The following HECW1 variants were observed in gnomAD, a reference collection of about 807,000 sequenced individuals.
The protein encoded by HECW1 is E3 ubiquitin-protein ligase HECW1.
HECW1 carries 61 observed loss-of-function variants against 182.3 expected under a neutral mutation model. The observed-to-expected ratio is 0.33, with a 90% CI of 0.27 to 0.41. The LOEUF (loss-of-function observed/expected upper bound fraction) is 0.41, where lower values mean the gene tolerates loss of function less well. Among genes scored for constraint, HECW1 ranks in the 10% least tolerant of loss-of-function variants. The probability of loss-of-function intolerance (pLI) is 1.00; values close to 1 mark genes in which losing one functional copy is unlikely to be tolerated. For synonymous variants in HECW1, 859 were observed against 832.6 expected, an observed-to-expected ratio of 1.03 and a Z score of -0.55; for missense variants, 1,739 against 2,108.9, an observed-to-expected ratio of 0.82 and a Z score of 3.44.
At chr7:43,116,789 T>C (rs1474819395) in intron 2 of HECW1, among the ~76,000 whole-genome samples, 1 of 152,238 alleles carries the variant, frequency 6.6e-6, no homozygotes, top group Admixed American at 6.5e-5. Flanking sequence ...TGGGGTTTTC[T>C]TCAGGTCACT....
chr7:43,442,750 T>C lies in HECW1; in HGVS notation c.1045+121T>C, dbSNP rs1048942729. The C allele has an allele frequency of 4.2e-6, 3 of 711,508 alleles. No homozygotes were observed. In the African/African-American group the frequency reaches 5.3e-5, roughly 13 times the overall value. The allele number at this position is 711,508 out of a possible 1,614,324, so 44.1% of individuals were successfully genotyped here. A position where few individuals can be genotyped will look rare whatever the true frequency, so the allele number is the denominator to read the frequency against. On this transcript the variant is annotated intron_variant, in intron 10 of 29. Transcript: ENST00000395891. Reference sequence around the variant, plus strand: ...TATCCTAGGTTTTGTGGTTATCTTCTCCATTTGAGGTCCAGAAGCCAGTGA... The same window carrying C: ...TATCCTAGGTTTTGTGGTTATCTTCCCCATTTGAGGTCCAGAAGCCAGTGA...
At chr7:43,389,547 C>A (rs1176404914) in intron 6 of HECW1, among the ~76,000 whole-genome samples, 2 of 152,236 alleles carry the variant, frequency 1.3e-5, no homozygotes, top group Non-Finnish European at 2.9e-5. Context: ...GGAAAATCTA[C>A]TATTGGATTA....
intron 7 of HECW1, among the ~76,000 whole-genome samples, chr7:43,401,693 T>C (rs972718208): frequency 1.4e-5 from 2 of 147,970 alleles, no homozygotes; most frequent in African/African-American, 5.0e-5. Context: ...GCCAAAATAA[T>C]GAAGCAAAGC....
chr7:43,452,826 TG>T (rs1377177643), intron 12 of HECW1, among the ~76,000 whole-genome samples: 1 of 152,184 alleles, frequency 6.6e-6, no homozygotes, highest in Non-Finnish European at 1.5e-5. Context: ...AGACAACACC[TG>T]AGGGTTAGGA....
Position 43,130,881 on chromosome 7 carries a change from A to G in HECW1, c.-32+16490A>G, listed in dbSNP as rs184606297. Among the ~76,000 whole-genome samples the G allele has an allele frequency of 1.8e-4, 28 of 152,154 alleles. No individual in the cohort carries two copies. In the East Asian group the frequency reaches 5.0e-3, roughly 27 times the overall value. On this transcript the variant is annotated intron_variant, in intron 2 of 29. Coordinates refer to ENST00000395891, the MANE Select transcript of HECW1 (RefSeq NM_015052.5). ...GCTCAACCTGTATTAATAACTGGGT[A>G]TACAATAATCTACTTAGTACTTTGT...
At chr7:43,158,976 A>G (rs1336434387) in intron 2 of HECW1, among the ~76,000 whole-genome samples, 1 of 152,150 alleles carries the variant, frequency 6.6e-6, no homozygotes, top group East Asian at 1.9e-4. Context: ...GTTCTGATTG[A>G]GTAGGTGGGA....
chr7:43,321,948 A>T (rs1002711926), intron 5 of HECW1, among the ~76,000 whole-genome samples: 2 of 152,252 alleles, frequency 1.3e-5, no homozygotes, highest in African/African-American at 4.8e-5. Context: ...TGGCTCATGC[A>T]GAATGAATAG....
chr7:43,382,292 G>GAA (rs1439853227), intron 6 of HECW1, among the ~76,000 whole-genome samples: 2 of 128,968 alleles, frequency 1.6e-5, no homozygotes, highest in Non-Finnish European at 3.4e-5. Flanking sequence ...TCTCAAAAAA[G>GAA]AAAAAAAAAA....
Position 43,180,174 on chromosome 7 carries a change from A to C in HECW1, c.-31-63701A>C, listed in dbSNP as rs186000419. On this transcript the variant is annotated intron_variant, in intron 2 of 29. Coordinates refer to ENST00000395891, the MANE Select transcript of HECW1 (RefSeq NM_015052.5). ...GATGGGGACATCACCAACTTATAGC[A>C]GAGGTTATGTGACTGTTTGAGCCTG... Among the ~76,000 whole-genome samples, 147 of 110,410 alleles carry C rather than the reference A, an allele frequency of 1.3e-3. 1 individual carries two copies. Among genetic ancestry groups the C allele is most frequent in the Non-Finnish European group, 4.3e-4 (23 of 54,054 alleles). 72.4% of individuals were successfully genotyped at this position (110,410 alleles called of 152,430 possible).
chr7:43,222,357 C>G (rs1797057402), intron 2 of HECW1, among the ~76,000 whole-genome samples: 1 of 152,162 alleles, frequency 6.6e-6, no homozygotes, highest in Admixed American at 6.5e-5. Context: ...GCACATCTTT[C>G]AAAGATTATG....
At chr7:43,492,421 C>G (rs759446698) in intron 18 of HECW1, among the ~76,000 whole-genome samples, 1 of 152,106 alleles carries the variant, frequency 6.6e-6, no homozygotes, top group Non-Finnish European at 1.5e-5. Context: ...CTGTTCTTTC[C>G]CAAACTCTCA....
chr7:43,537,549 G>GT (rs35635411), intron 24 of HECW1, among the ~76,000 whole-genome samples: 22,009 of 152,142 alleles, frequency 0.14, 1,849 homozygotes, highest in East Asian at 0.28. Context: ...ACTAGAAGGT[G>GT]TTTTCTCATT....
chr7:43,311,329 G>T (rs1028525594), intron 3 of HECW1, among the ~76,000 whole-genome samples: 1 of 152,166 alleles, frequency 6.6e-6, no homozygotes, highest in African/African-American at 2.4e-5. Flanking sequence ...ATGCTGCAGG[G>T]ATCACTCAGA....
chr7:43,251,971 G>A (rs573822615), intron 3 of HECW1, among the ~76,000 whole-genome samples: 4 of 152,216 alleles, frequency 2.6e-5, no homozygotes, highest in Admixed American at 2.0e-4. Context: ...TACATTCCAC[G>A]GGGTCCTTGG....
chr7:43,121,133 C>T (rs982500831), intron 2 of HECW1, among the ~76,000 whole-genome samples: 4 of 152,148 alleles, frequency 2.6e-5, no homozygotes, highest in African/African-American at 9.7e-5. Context: ...GTGTTTTTCT[C>T]CTGGCTGGTG....
chr7:43,490,187 A>G (rs564392822), intron 17 of HECW1, among the ~76,000 whole-genome samples: 2 of 152,202 alleles, frequency 1.3e-5, no homozygotes, highest in South Asian at 2.1e-4. Context: ...GTCTCAGCCA[A>G]TCACAACAGC....
At chr7:43,361,905 C>T (rs1015418305) in intron 6 of HECW1, among the ~76,000 whole-genome samples, 5 of 146,082 alleles carry the variant, frequency 3.4e-5, no homozygotes, top group Admixed American at 6.9e-5. Context: ...CTTTGGGAGT[C>T]CCCAGGCAGG....
At chr7:43,395,164 T>C (rs1232595934) in intron 6 of HECW1, among the ~76,000 whole-genome samples, 1 of 152,200 alleles carries the variant, frequency 6.6e-6, no homozygotes, top group Non-Finnish European at 1.5e-5. Flanking sequence ...GCATGACTCC[T>C]AAACCATAAT....
intron 2 of HECW1, among the ~76,000 whole-genome samples, chr7:43,150,312 A>C (rs775333107): frequency 2.0e-5 from 3 of 152,204 alleles, no homozygotes; most frequent in Non-Finnish European, 4.4e-5. Context: ...TCCTCTGACC[A>C]ATTGATTTCA....
Sources: allele counts gnomAD v4.1 joint callset (sites outside exome capture counted in the v4.1 genomes callset), GRCh38; gene constraint gnomAD v4.1.1; transcripts MANE v1.5; gene names NCBI Gene and HGNC (gene_info 2026-07-23, HGNC 2026-07-21).